Variants in OSBP2 observed in about 807,000 individuals in gnomAD.
OSBP2 encodes oxysterol binding protein 2.
A neutral mutation model predicts 96.0 loss-of-function variants in OSBP2; 66 were observed. That is an observed-to-expected ratio of 0.69 (90% CI 0.56 to 0.84). The LOEUF is 0.84. Ranked by LOEUF, OSBP2 falls within the 40% of genes least tolerant of loss-of-function variation. The pLI, the probability that OSBP2 is intolerant of heterozygous loss-of-function variation, is 0.00. For synonymous variants in OSBP2, 525 were observed against 520.9 expected (o/e 1.01, Z -0.11); for missense variants, 1,038 against 1,222.7 (o/e 0.85, Z 2.25).
At chr22:30,701,632 C>G (rs545241458) in intron 1 of OSBP2, among the ~76,000 whole-genome samples, 1 of 152,134 alleles carries the variant, frequency 6.6e-6, no homozygotes, top group Non-Finnish European at 1.5e-5. Context: ...CGTGAGCCAC[C>G]ACGCCCAGCC....
chr22:30,788,975 A>C (rs1017138775), intron 2 of OSBP2, among the ~76,000 whole-genome samples: 5 of 152,190 alleles, frequency 3.3e-5, no homozygotes, highest in African/African-American at 9.7e-5. Flanking sequence ...AGCCTCGCAA[A>C]GTGCTGAGAT....
At chr22:30,705,118 T>A (rs1396922300) in intron 1 of OSBP2, among the ~76,000 whole-genome samples, 2 of 152,292 alleles carry the variant, frequency 1.3e-5, no homozygotes, top group East Asian at 3.9e-4. Context: ...TGCTGCTCTG[T>A]GTGCTGAGTG....
rs537094480 is a variant in OSBP2 at position 30,888,323 on chromosome 22, C to A, written c.1401C>A (p.Thr467=). The A allele has an allele frequency of 1.2e-6, 2 of 1,611,578 alleles. No individual in the cohort carries two copies. The highest frequency in any genetic ancestry group is 2.7e-5 in the African/African-American group (2 of 74,982). ...CCACATCCTTCATCACCGTGATCAC[C>A]GAGGCCAAGGAAGACAGGTAAGGTG... The part of the protein sequence containing the change: ...EDSTSFITVI[T]EAKEDSRKAE... Residue 467 remains threonine, a synonymous_variant, in exon 5 of 14, where the codon ACC becomes ACA. Transcript: ENST00000332585.
intron 2 of OSBP2, among the ~76,000 whole-genome samples, chr22:30,752,288 CTTTTTTTTTTT>C (rs10691256): frequency 3.5e-4 from 17 of 48,656 alleles, no homozygotes; most frequent in Admixed American, 1.1e-3. Context: ...CTTTGCTTTG[CTTTTTTTTTTT>C]TTTTTTTTTT....
At position 30,881,832 on chromosome 22, in the gene OSBP2, C is replaced by T. The variant is rs373380278; in HGVS notation, c.1108-5594C>T. 1.3e-3 allele frequency: 1,652 copies of T among 1,303,250 alleles called. 3 individuals are homozygous for T. Among genetic ancestry groups the T allele is most frequent in the Middle Eastern group, 4.2e-3 (19 of 4,572 alleles). 80.7% of individuals were successfully genotyped at this position (1,303,250 alleles called of 1,614,324 possible). On this transcript the variant is annotated intron_variant, in intron 3 of 13. Transcript: ENST00000332585. The surrounding 1 kb of genome is among the most constrained non-coding windows in gnomAD (Gnocchi z 4.5). ...GTGCATCCGGGCTGGGGGAGGTGGA[C>T]GGGCTCTCTGCATCCATGGGGTGAC...
chr22:30,890,813 G>C lies in OSBP2; in HGVS notation c.1709G>C (p.Cys570Ser). 6.2e-7 allele frequency: 1 copy of C among 1,613,666 alleles called. No homozygotes were observed. The change falls in exon 8 of 14, where the codon TGC (cysteine) becomes TCC (serine). Residue 570 changes from cysteine to serine, a missense_variant. Physicochemically the swap from Cys to Ser is moderately radical, Grantham distance 112. This residue lies in a region of OSBP2 where 737 missense variants were observed against 913.3 expected (regional missense o/e 0.81). Transcript: ENST00000332585. This position sits in a 1 kb window ranked among gnomAD's most constrained non-coding sequence, Gnocchi z 4.4. ...YHHLLDKAVH[C>S]TSSVEQMCLV... ...CACCTGCTGGACAAGGCAGTGCACTGCACCAGCTCAGTGGAGCAGATGTGC... is the reference window on the plus strand; with the variant it reads ...CACCTGCTGGACAAGGCAGTGCACTCCACCAGCTCAGTGGAGCAGATGTGC...
intron 1 of OSBP2, among the ~76,000 whole-genome samples, chr22:30,737,811 C>G (rs1262318366): frequency 6.6e-6 from 1 of 151,988 alleles, no homozygotes; most frequent in African/African-American, 2.4e-5. Flanking sequence ...CTCCAGGATT[C>G]AAGCGATTGT....
chr22:30,718,099 T>G (rs136382), intron 1 of OSBP2, among the ~76,000 whole-genome samples: 131,752 of 152,112 alleles, frequency 0.87, 57,204 homozygotes, highest in East Asian at 1. Context: ...AGGAGGGTAA[T>G]CGAGAGTCAC....
At chr22:30,887,150 C>T (rs974762951) in intron 3 of OSBP2, among the ~76,000 whole-genome samples, 5 of 152,128 alleles carry the variant, frequency 3.3e-5, no homozygotes, top group East Asian at 1.9e-4. Context: ...GCAGTGAGGA[C>T]GACCAGAGGT....
In OSBP2 at chr22:30,874,429, A is replaced by C. The variant is rs557392250; in HGVS notation, c.1107+3747A>C. Among the ~76,000 whole-genome samples, 8 of 152,294 alleles carry C rather than the reference A, an allele frequency of 5.3e-5. No individual in the cohort carries two copies. The South Asian group carries it at 8.3e-4, about 16-fold the overall frequency. The stretch of plus-strand genomic sequence containing the variant: ...CTGTCTCAAAAAAAAAGAAAAAAGA[A>C]AAAAAGAAAAGTCAGGTGATTTCTA... On this transcript the variant is annotated intron_variant, in intron 3 of 13. Transcript: ENST00000332585.
intron 2 of OSBP2, among the ~76,000 whole-genome samples, chr22:30,783,990 T>A (rs2090554044): frequency 6.6e-6 from 1 of 152,168 alleles, no homozygotes; most frequent in Non-Finnish European, 1.5e-5. Context: ...ATTGTTTCCT[T>A]CCAGGAAGAG....
At chr22:30,862,293 G>A (rs1173210647) in intron 2 of OSBP2, among the ~76,000 whole-genome samples, 2 of 152,190 alleles carry the variant, frequency 1.3e-5, no homozygotes, top group Non-Finnish European at 2.9e-5. Flanking sequence ...TGGGCAGGGG[G>A]CCCACCTGGT....
intron 2 of OSBP2, among the ~76,000 whole-genome samples, chr22:30,742,299 G>T (rs1256609849): frequency 6.6e-6 from 1 of 151,738 alleles, no homozygotes; most frequent in East Asian, 2.0e-4. Context: ...GGGCGTGGTG[G>T]TGCGTGCCTG....
chr22:30,860,942 C>G (rs1169049530), intron 2 of OSBP2, among the ~76,000 whole-genome samples: 1 of 152,198 alleles, frequency 6.6e-6, no homozygotes, highest in Non-Finnish European at 1.5e-5. Context: ...CCCAGGACAG[C>G]CGAGCGAAGT....
At chr22:30,817,028 C>A (rs2091091610) in intron 2 of OSBP2, among the ~76,000 whole-genome samples, 1 of 152,168 alleles carries the variant, frequency 6.6e-6, no homozygotes, top group Admixed American at 6.5e-5. Flanking sequence ...AGCCACTGTA[C>A]CCAGCCCCCA....
chr22:30,786,018 T>TTGTGTGTGTGTGTG (rs59686538), intron 2 of OSBP2, among the ~76,000 whole-genome samples: 98 of 149,106 alleles, frequency 6.6e-4, no homozygotes, highest in African/African-American at 2.2e-3. Context: ...CTAATACAGT[T>TTGTGTGTGTGTGTG]TGTGTGTGTG....
intron 2 of OSBP2, among the ~76,000 whole-genome samples, chr22:30,865,576 G>A (rs1159555390): frequency 7.6e-6 from 1 of 131,466 alleles, no homozygotes; most frequent in East Asian, 2.3e-4. Context: ...AGGTTGCAGT[G>A]AACTGAGATC....
intron 2 of OSBP2, among the ~76,000 whole-genome samples, chr22:30,814,482 G>A (rs2091055946): frequency 6.7e-6 from 1 of 150,088 alleles, no homozygotes; most frequent in East Asian, 2.0e-4. Context: ...ACCCAAGCTG[G>A]AGGGCAGTGG....
chr22:30,745,886 G>T (rs1007249436), intron 2 of OSBP2, among the ~76,000 whole-genome samples: 15 of 152,052 alleles, frequency 9.9e-5, no homozygotes, highest in African/African-American at 3.6e-4. Context: ...AATGAAAAGG[G>T]TTATAAGAAC....
Sources: allele counts gnomAD v4.1 joint callset (sites outside exome capture counted in the v4.1 genomes callset), GRCh38; gene constraint gnomAD v4.1.1; regional missense constraint gnomAD v4.1.1; non-coding constraint Gnocchi (gnomAD v3.1); transcripts MANE v1.5; gene names NCBI Gene and HGNC (gene_info 2026-07-23, HGNC 2026-07-21).